Variants in AKAP9 observed in about 807,000 individuals in gnomAD.
The protein encoded by AKAP9 is A-kinase anchoring protein 9, also known as A-kinase anchor protein 9.
A neutral mutation model predicts 488.5 loss-of-function variants in AKAP9; 311 were observed. The ratio of observed to expected loss-of-function variants is 0.64; its 90% CI spans 0.58 to 0.70. The LOEUF (loss-of-function observed/expected upper bound fraction) is 0.70. Among genes scored for constraint, AKAP9 ranks in the 30% least tolerant of loss-of-function variants. AKAP9 has a pLI of 0.00. For synonymous variants in AKAP9, 1,462 were observed against 1,483.5 expected (o/e 0.99, Z 0.33); for missense variants, 4,215 against 4,374.5 (o/e 0.96, Z 1.03).
At chr7:92,056,286 G>C (rs73407518) in intron 22 of AKAP9, among the ~76,000 whole-genome samples, 5,355 of 151,912 alleles carry the variant, frequency 0.035, 274 homozygotes, top group African/African-American at 0.12. Context: ...TCAAATAAGA[G>C]AAACTAGATA....
intron 5 of AKAP9, among the ~76,000 whole-genome samples, chr7:91,994,320 C>A (rs980728220): frequency 6.6e-6 from 1 of 152,100 alleles, no homozygotes; most frequent in East Asian, 1.9e-4. Flanking sequence ...TGGAATTAAA[C>A]ATGTCTAGGG....
At position 92,093,126 on chromosome 7, in the gene AKAP9, C is replaced by T; in HGVS notation, c.9388C>T (p.Gln3130Ter). 2 of 1,613,948 alleles carry T rather than the reference C, an allele frequency of 1.2e-6. No individual in the cohort carries two copies. The highest frequency in any genetic ancestry group is 1.7e-6 in the Non-Finnish European group (2 of 1,179,852). ...ELLEYNIQQK[Q>*]SQMLEMQVEL... ...CTTGGAATATAATATACAGCAGAAG[C>T]AGTCTCAAATGCTGGAGATGCAAGT... Residue 3130 changes from glutamine to a stop codon, truncating the protein, a stop_gained, in exon 39 of 50, where the codon CAG (glutamine) becomes TAG (stop). Coordinates refer to ENST00000356239, the MANE Select transcript of AKAP9 (RefSeq NM_005751.5). LOFTEE classifies it high-confidence loss of function.
intron 3 of AKAP9, among the ~76,000 whole-genome samples, chr7:91,980,924 T>G (rs1796336032): frequency 6.6e-6 from 1 of 152,300 alleles, no homozygotes; most frequent in Non-Finnish European, 1.5e-5. Flanking sequence ...TAAACTATTC[T>G]GTACTCTGAA....
intron 1 of AKAP9, among the ~76,000 whole-genome samples, chr7:91,946,155 C>A: frequency 6.6e-6 from 1 of 152,104 alleles, no homozygotes; most frequent in East Asian, 1.9e-4. Context: ...GTTACTGTTT[C>A]CACTGTGATA....
At chr7:91,949,471 A>G (rs1304978258) in intron 1 of AKAP9, among the ~76,000 whole-genome samples, 1 of 152,178 alleles carries the variant, frequency 6.6e-6, no homozygotes, top group Non-Finnish European at 1.5e-5. Context: ...TGGCTTGATC[A>G]TTGCCAGTCC....
chr7:92,005,069 A>T (rs927004830), intron 8 of AKAP9, among the ~76,000 whole-genome samples: 1 of 152,156 alleles, frequency 6.6e-6, no homozygotes, highest in Non-Finnish European at 1.5e-5. Flanking sequence ...GCATCTATTG[A>T]GATAATCATG....
intron 13 of AKAP9, 85 bp downstream of exon 13, chr7:92,022,437 C>A: frequency 1.1e-6 from 1 of 938,522 alleles, no homozygotes; most frequent in South Asian, 1.3e-5. Context: ...TGTGAGCTAA[C>A]GTAGTGACCT....
chr7:92,064,593 G>C (rs1468087266), intron 24 of AKAP9, among the ~76,000 whole-genome samples: 1 of 152,022 alleles, frequency 6.6e-6, no homozygotes, highest in Non-Finnish European at 1.5e-5. Context: ...TTGGGCCTAC[G>C]GTCTGTTCTT....
chr7:92,024,167 T>A (rs1349587184), intron 14 of AKAP9, among the ~76,000 whole-genome samples: 1 of 151,550 alleles, frequency 6.6e-6, no homozygotes, highest in African/African-American at 2.4e-5. Context: ...ATTCCAGCAT[T>A]TTGGGAAGCT....
chr7:91,960,704 G>A (rs1793621619), intron 1 of AKAP9, among the ~76,000 whole-genome samples: 1 of 151,990 alleles, frequency 6.6e-6, no homozygotes, highest in South Asian at 2.1e-4. Flanking sequence ...ATGAGAGTAG[G>A]GTTTATACCT....
chr7:91,941,821 C>CA (rs1479341615), intron 1 of AKAP9, among the ~76,000 whole-genome samples: 1 of 151,982 alleles, frequency 6.6e-6, no homozygotes, highest in Admixed American at 6.6e-5. Flanking sequence ...CATATGCCAA[C>CA]ACCTATAGAA....
chr7:92,070,059 AAAAAC>A lies in AKAP9; in HGVS notation c.6362_6366del (p.Lys2121ArgfsTer5). The A allele has an allele frequency of 6.2e-7, 1 of 1,613,056 alleles. No homozygotes were observed. Among genetic ancestry groups the A allele is most frequent in the South Asian group, 1.1e-5 (1 of 90,798 alleles). On this transcript the variant is annotated frameshift_variant, in exon 27 of 50. Coordinates refer to ENST00000356239, the MANE Select transcript of AKAP9 (RefSeq NM_005751.5). LOFTEE classifies it high-confidence loss of function. ...AACAGTTAGCAAATCATCTGAAAGA[AAAAAC>A]AGACAAATGCAGTGAGCTTTTGCTC... is the stretch of plus-strand genomic sequence containing the variant.
chr7:92,075,674 T>C (rs1052391977), intron 28 of AKAP9, among the ~76,000 whole-genome samples: 1 of 152,218 alleles, frequency 6.6e-6, no homozygotes, highest in South Asian at 2.1e-4. Flanking sequence ...ATGGGGATAC[T>C]CAGAACAGAT....
intron 1 of AKAP9, among the ~76,000 whole-genome samples, chr7:91,952,094 A>G (rs751732460): frequency 1.3e-5 from 2 of 152,100 alleles, no homozygotes; most frequent in Non-Finnish European, 2.9e-5. Flanking sequence ...CATTCTTTTC[A>G]GTCTTTCAGA....
chr7:91,999,878 A>T (rs1266328482), intron 7 of AKAP9, among the ~76,000 whole-genome samples: 2 of 152,086 alleles, frequency 1.3e-5, no homozygotes, highest in Non-Finnish European at 2.9e-5. Flanking sequence ...TCATTCATTC[A>T]TTCAAGGCAC....
intron 45 of AKAP9, 68 bp from the exon 46 acceptor site, chr7:92,102,526 A>G (rs1817747720): frequency 1.5e-6 from 2 of 1,357,778 alleles, no homozygotes; most frequent in Non-Finnish European, 1.0e-6. Flanking sequence ...AATCTAGGTT[A>G]TTTTCCCCTA....
rs139958722 is a variant in AKAP9, at chr7:92,089,692, A to G, written c.9358+163A>G. ...ATCTATATTAATTACTCTAGGGGTT[A>G]GAGGATTGTCTAATTGGTTTAAACA... is the stretch of plus-strand genomic sequence containing the variant. On this transcript the variant is annotated intron_variant, in intron 38 of 49. Transcript: ENST00000356239. 6.9e-4 allele frequency: 559 copies of G among 812,346 alleles called. 3 individuals are homozygous for G. The African/African-American group carries it at 8.2e-3, about 12-fold the overall frequency. The allele number at this position is 812,346 out of a possible 1,614,324, so 50.3% of individuals were successfully genotyped here. A position where few individuals can be genotyped will look rare whatever the true frequency, so the allele number is the denominator to read the frequency against.
At chr7:91,999,889 C>T (rs1798928515) in intron 7 of AKAP9, among the ~76,000 whole-genome samples, 1 of 150,576 alleles carries the variant, frequency 6.6e-6, no homozygotes. Context: ...TTCAAGGCAC[C>T]TTTAAGTCCT....
At position 91,966,424 on chromosome 7, in the gene AKAP9, C is replaced by T. The variant is rs186954180; in HGVS notation, c.49-7287C>T. 2.4e-3 allele frequency among the ~76,000 whole-genome samples: 360 copies of T among 152,202 alleles called. 8 individuals are homozygous for T. The highest frequency in any genetic ancestry group is 1.5e-3 in the Non-Finnish European group (101 of 68,016). ...CTTCTACATATGGTTATCCAGTTTT[C>T]CCAGCATTATTTATTGAAGAGATTG... is the stretch of plus-strand genomic sequence containing the variant. On this transcript the variant is annotated intron_variant, in intron 1 of 49. Coordinates refer to ENST00000356239, the MANE Select transcript of AKAP9 (RefSeq NM_005751.5).
Sources: allele counts gnomAD v4.1 joint callset (sites outside exome capture counted in the v4.1 genomes callset), GRCh38; gene constraint gnomAD v4.1.1; transcripts MANE v1.5; gene names NCBI Gene and HGNC (gene_info 2026-07-23, HGNC 2026-07-21).